The following RASAL2 variants were observed in gnomAD, a reference collection of about 807,000 sequenced individuals.
RASAL2 encodes RAS protein activator like 2.
A neutral mutation model predicts 128.9 loss-of-function variants in RASAL2; 58 were observed. That is an observed-to-expected ratio of 0.45 (90% CI 0.36 to 0.56). The LOEUF (loss-of-function observed/expected upper bound fraction) is 0.56, where lower values mean the gene tolerates loss of function less well. Among genes scored for constraint, RASAL2 ranks in the 20% least tolerant of loss-of-function variants. The probability of loss-of-function intolerance (pLI) is 0.00; values close to 1 mark genes in which losing one functional copy is unlikely to be tolerated. For missense variants in RASAL2, 1,360 were observed against 1,601.6 expected, an observed-to-expected ratio of 0.85 and a Z score of 2.57; for synonymous variants, 561 against 580.8, an observed-to-expected ratio of 0.97 and a Z score of 0.49.
chr1:178,120,218 GTGAATCACCTGTTGCAA>G (rs1051519986), intron 1 of RASAL2, among the ~76,000 whole-genome samples: 5 of 152,236 alleles, frequency 3.3e-5, no homozygotes, highest in African/African-American at 1.2e-4. Flanking sequence ...CTTGGAGAAT[GTGAATCACCTGTTGCAA>G]TGAACTCATA....
intron 1 of RASAL2, among the ~76,000 whole-genome samples, chr1:178,242,443 C>G (rs926115406): frequency 2.1e-4 from 16 of 75,212 alleles, no homozygotes; most frequent in Admixed American, 6.3e-4. Context: ...CTCTCTCTCT[C>G]TCTCTCTCTC....
intron 2 of RASAL2, among the ~76,000 whole-genome samples, chr1:178,297,851 A>G (rs1230152956): frequency 6.6e-6 from 1 of 152,156 alleles, no homozygotes; most frequent in African/African-American, 2.4e-5. Context: ...CTCCTTTGAT[A>G]TAGCAGAGAC....
chr1:178,227,130 C>A (rs1663819989), intron 1 of RASAL2, among the ~76,000 whole-genome samples: 1 of 152,002 alleles, frequency 6.6e-6, no homozygotes, highest in Admixed American at 6.5e-5. Context: ...CTCCTTCTAC[C>A]ACCTCAGAAA....
intron 4 of RASAL2, among the ~76,000 whole-genome samples, chr1:178,416,566 T>C (rs1674771166): frequency 1.3e-5 from 2 of 152,118 alleles, no homozygotes; most frequent in Admixed American, 1.3e-4. Flanking sequence ...CTTTGTTTTC[T>C]TAAGAAGGTC....
intron 1 of RASAL2, among the ~76,000 whole-genome samples, chr1:178,211,049 A>G (rs1247098803): frequency 2.0e-5 from 3 of 152,226 alleles, no homozygotes; most frequent in Non-Finnish European, 4.4e-5. Flanking sequence ...AACCCTGTCA[A>G]GCCTGGTCTC....
chr1:178,161,700 T>G (rs768783008), intron 1 of RASAL2, among the ~76,000 whole-genome samples: 12 of 152,190 alleles, frequency 7.9e-5, no homozygotes, highest in Non-Finnish European at 1.6e-4. Flanking sequence ...TCCACCATTT[T>G]ATATTCCCAC....
chr1:178,219,353 C>T (rs1453242661), intron 1 of RASAL2, among the ~76,000 whole-genome samples: 1 of 152,056 alleles, frequency 6.6e-6, no homozygotes, highest in East Asian at 1.9e-4. Flanking sequence ...TAATTTCCTT[C>T]AAGAACTTTT....
rs1670866060 is a variant in RASAL2 at position 178,357,388 on chromosome 1, A to G, written c.458-32712A>G. 2.0e-5 allele frequency among the ~76,000 whole-genome samples: 3 copies of G among 150,856 alleles called. 1 individual carries two copies. The South Asian group carries it at 6.3e-4, about 32-fold the overall frequency. On this transcript the variant is annotated intron_variant, in intron 3 of 17. Transcript: ENST00000367649. ...CGAATGGTCAGTTCTTTGCACAGTG[A>G]TGTAAAAGCTACCCTTTATCATCAG...
intron 1 of RASAL2, among the ~76,000 whole-genome samples, chr1:178,153,337 A>G (rs1041098511): frequency 6.6e-6 from 1 of 152,224 alleles, no homozygotes; most frequent in Non-Finnish European, 1.5e-5. Context: ...TGTGCATAAT[A>G]TTTAACATAA....
chr1:178,383,443 C>T (rs1404029904), intron 3 of RASAL2, among the ~76,000 whole-genome samples: 1 of 151,870 alleles, frequency 6.6e-6, no homozygotes, highest in Non-Finnish European at 1.5e-5. Context: ...ATAGTGTTAG[C>T]AGCCGTATAA....
chr1:178,441,539 T>C lies in RASAL2; in HGVS notation c.829-10T>C. On this transcript the variant is annotated splice_polypyrimidine_tract_variant and intron_variant, in intron 6 of 17. Transcript: ENST00000367649. Reference sequence around the variant, plus strand: ...TTTTCTTTTTCTTATGTCTAATTTTTATGTTGAAGGTTACCTACTTAAGTG... The same window carrying C: ...TTTTCTTTTTCTTATGTCTAATTTTCATGTTGAAGGTTACCTACTTAAGTG... 6.2e-7 allele frequency: 1 copy of C among 1,606,260 alleles called. No homozygotes were observed. The highest frequency in any genetic ancestry group is 8.5e-7 in the Non-Finnish European group (1 of 1,173,762).
chr1:178,144,056 A>G (rs1211306632), intron 1 of RASAL2, among the ~76,000 whole-genome samples: 1 of 151,882 alleles, frequency 6.6e-6, no homozygotes, highest in African/African-American at 2.4e-5. Context: ...TTGTGTGTGT[A>G]TTCAGTTTCT....
chr1:178,313,488 C>T (rs1471482487), intron 3 of RASAL2, among the ~76,000 whole-genome samples: 1 of 150,724 alleles, frequency 6.6e-6, no homozygotes, highest in Non-Finnish European at 1.5e-5. Context: ...ACTGTGTGCA[C>T]ATTTTTTTTT....
chr1:178,246,866 C>T (rs1027410468), intron 1 of RASAL2, among the ~76,000 whole-genome samples: 4 of 152,154 alleles, frequency 2.6e-5, no homozygotes, highest in East Asian at 1.9e-4. Context: ...TGATGAATTA[C>T]GTTTATTGAT....
intron 1 of RASAL2, among the ~76,000 whole-genome samples, chr1:178,276,089 C>A (rs1043499499): frequency 5.9e-5 from 9 of 152,134 alleles, no homozygotes; most frequent in African/African-American, 1.9e-4. Context: ...TATTACTCAT[C>A]AAGGTACGAG....
Position 178,307,286 on chromosome 1 carries a change from A to AT in RASAL2, c.457+7175dup, listed in dbSNP as rs199558425. ...TATACTAATTACTTTTAAAAAAAAA[A>AT]TTTTTTTCCACTGAAAATGAGATGT... On this transcript the variant is annotated intron_variant, in intron 3 of 17. Coordinates refer to ENST00000367649, the MANE Select transcript of RASAL2 (RefSeq NM_170692.4). Among the ~76,000 whole-genome samples, 21 of 151,874 alleles carry AT rather than the reference A, an allele frequency of 1.4e-4. No individual in the cohort carries two copies. The South Asian group carries it at 3.7e-3, about 27-fold the overall frequency.
At chr1:178,206,125 C>T (rs926882815) in intron 1 of RASAL2, among the ~76,000 whole-genome samples, 2 of 152,104 alleles carry the variant, frequency 1.3e-5, no homozygotes, top group Non-Finnish European at 2.9e-5. Context: ...TGTACTCTGT[C>T]CTCTCTGAAC....
At chr1:178,272,320 T>C (rs1666299285) in intron 1 of RASAL2, among the ~76,000 whole-genome samples, 5 of 152,220 alleles carry the variant, frequency 3.3e-5, no homozygotes, top group South Asian at 2.1e-4. Context: ...AATTCTAAGA[T>C]AGCTATGCTA....
intron 1 of RASAL2, among the ~76,000 whole-genome samples, chr1:178,248,313 C>T (rs1664873629): frequency 1.3e-5 from 2 of 152,152 alleles, no homozygotes; most frequent in South Asian, 2.1e-4. Context: ...CATCCCTTTA[C>T]CATTATGTAA....
Sources: gnomAD v4.1 joint callset for allele counts (sites outside exome capture counted in the v4.1 genomes callset) on GRCh38, gnomAD v4.1.1 for gene constraint, MANE v1.5 for transcripts, NCBI Gene and HGNC (gene_info 2026-07-23, HGNC 2026-07-21) for gene names.